The following SLC39A9 variants were observed in gnomAD, a reference collection of about 807,000 sequenced individuals.
The protein encoded by SLC39A9 is zinc transporter ZIP9.
Under a neutral mutation model 28.4 loss-of-function variants are expected in SLC39A9, and 14 were observed. The observed-to-expected ratio is 0.49, with a 90% CI of 0.33 to 0.77. The LOEUF (loss-of-function observed/expected upper bound fraction) is 0.77. Ranked by LOEUF, SLC39A9 falls within the 30% of genes least tolerant of loss-of-function variation. The pLI, the probability that SLC39A9 is intolerant of heterozygous loss-of-function variation, is 0.02. For missense variants in SLC39A9, 283 were observed against 381.1 expected, an observed-to-expected ratio of 0.74 and a Z score of 2.14; for synonymous variants, 119 against 149.6, an observed-to-expected ratio of 0.80 and a Z score of 1.49.
intron 2 of SLC39A9, among the ~76,000 whole-genome samples, chr14:69,438,809 T>C (rs1351758806): frequency 6.6e-6 from 1 of 152,242 alleles, no homozygotes; most frequent in Non-Finnish European, 1.5e-5. Context: ...ATGTAGATTA[T>C]CCCACTCATT....
At chr14:69,398,450 G>C, upstream of SLC39A9, 1 of 625,242 alleles carries the variant, frequency 1.6e-6, no homozygotes, top group Non-Finnish European at 2.8e-6. Context: ...AAGGCAAAAA[G>C]GTAAGGGAAA....
At chr14:69,450,392 GA>G (rs1487791141) in intron 3 of SLC39A9, among the ~76,000 whole-genome samples, 4 of 152,086 alleles carry the variant, frequency 2.6e-5, no homozygotes, top group Non-Finnish European at 5.9e-5. Flanking sequence ...TTAAATATGT[GA>G]AATAAAATTT....
chr14:69,418,732 C>T (rs1217808769), intron 1 of SLC39A9, among the ~76,000 whole-genome samples: 5 of 152,010 alleles, frequency 3.3e-5, no homozygotes, highest in Non-Finnish European at 5.9e-5. Context: ...CTGGTTTAGT[C>T]TTGGGAGGGT....
intron 2 of SLC39A9, among the ~76,000 whole-genome samples, chr14:69,438,386 A>T (rs902193376): frequency 2.6e-5 from 4 of 152,214 alleles, no homozygotes; most frequent in Admixed American, 1.3e-4. Flanking sequence ...GTTTGTATAC[A>T]TGTTACTACA....
chr14:69,457,819 C>T (rs940277200), intron 6 of SLC39A9, among the ~76,000 whole-genome samples: 1 of 152,096 alleles, frequency 6.6e-6, no homozygotes, highest in Non-Finnish European at 1.5e-5. Context: ...CCCAGGAGTT[C>T]CAGGCTGTAG....
chr14:69,438,755 A>G (rs1884901029), intron 2 of SLC39A9, among the ~76,000 whole-genome samples: 1 of 152,242 alleles, frequency 6.6e-6, no homozygotes, highest in African/African-American at 2.4e-5. Context: ...ATGAAAATAT[A>G]AATGTGATGT....
intron 1 of SLC39A9, among the ~76,000 whole-genome samples, chr14:69,400,653 G>A (rs567586673): frequency 1.3e-5 from 2 of 152,310 alleles, no homozygotes; most frequent in South Asian, 4.1e-4. Context: ...GAAACCTGAG[G>A]AAGAGGAGAC....
intron 3 of SLC39A9, among the ~76,000 whole-genome samples, chr14:69,450,893 G>C (rs1213400615): frequency 6.6e-6 from 1 of 152,148 alleles, no homozygotes; most frequent in Non-Finnish European, 1.5e-5. Context: ...CATTATTTTT[G>C]CTGGCTTTCG....
At chr14:69,443,829 A>G (rs1280444874) in intron 3 of SLC39A9, among the ~76,000 whole-genome samples, 1 of 152,098 alleles carries the variant, frequency 6.6e-6, no homozygotes, top group Non-Finnish European at 1.5e-5. Flanking sequence ...AGATCACGCC[A>G]CTGCACTCCA....
At chr14:69,411,002 A>G (rs1289622486) in intron 1 of SLC39A9, among the ~76,000 whole-genome samples, 1 of 152,180 alleles carries the variant, frequency 6.6e-6, no homozygotes, top group East Asian at 1.9e-4. Flanking sequence ...ACTTGAGGTC[A>G]GGAGTTTGAG....
intron 1 of SLC39A9, among the ~76,000 whole-genome samples, chr14:69,414,864 C>T (rs917968311): frequency 2.0e-5 from 3 of 152,170 alleles, no homozygotes; most frequent in African/African-American, 7.2e-5. Context: ...ATTAGTTTGG[C>T]CTGTTTTTAA....
rs2140238186 is a variant in SLC39A9 at position 69,399,001 on chromosome 14, C to T, written c.-369C>T. 1.5e-5 allele frequency: 3 copies of T among 200,390 alleles called. No homozygotes were observed. The South Asian group carries it at 2.1e-4, about 14-fold the overall frequency. The allele number at this position is 200,390 out of a possible 1,614,324, so 12.4% of individuals were successfully genotyped here. ...CAGGTTCGCTTGAGTCACTTACCCG[C>T]CGCCGCCTAAGACATTGTGCCACCC... On this transcript the variant is annotated 5_prime_UTR_variant, in exon 1 of 7. Coordinates refer to ENST00000336643, the MANE Select transcript of SLC39A9 (RefSeq NM_018375.5).
chr14:69,443,418 G>A (rs1275132715), intron 3 of SLC39A9, among the ~76,000 whole-genome samples: 1 of 152,186 alleles, frequency 6.6e-6, no homozygotes, highest in Non-Finnish European at 1.5e-5. Flanking sequence ...CATGCAGTAT[G>A]GCAGCAGTTC....
chr14:69,460,952 G>A lies in SLC39A9; in HGVS notation c.*2359G>A, dbSNP rs560673603. On this transcript the variant is annotated 3_prime_UTR_variant, in exon 7 of 7. Coordinates refer to ENST00000336643, the MANE Select transcript of SLC39A9 (RefSeq NM_018375.5). ...CAGCGTGGCACAGGCCTTCTTGACT[G>A]GAGGAAGAGCTTGCTGGCATGGTGG... 1 of 985,630 alleles carries A rather than the reference G, an allele frequency of 1.0e-6. No individual in the cohort carries two copies. The highest frequency in any genetic ancestry group is 4.7e-5 in the South Asian group (1 of 21,286). 61.1% of individuals were successfully genotyped at this position (985,630 alleles called of 1,614,324 possible).
At chr14:69,425,731 C>T (rs1420932222) in intron 2 of SLC39A9, among the ~76,000 whole-genome samples, 2 of 151,896 alleles carry the variant, frequency 1.3e-5, no homozygotes, top group African/African-American at 4.8e-5. Flanking sequence ...CCAGTTTTGC[C>T]ATCACAGCTG....
At chr14:69,421,280 T>C (rs1048965730) in intron 1 of SLC39A9, among the ~76,000 whole-genome samples, 1 of 152,240 alleles carries the variant, frequency 6.6e-6, no homozygotes, top group Non-Finnish European at 1.5e-5. Flanking sequence ...TGTTGGAGTT[T>C]GCTGGAGGTC....
intron 3 of SLC39A9, among the ~76,000 whole-genome samples, chr14:69,446,279 C>CAT (rs140993985): frequency 0.12 from 17,634 of 146,098 alleles, 1,228 homozygotes; most frequent in Middle Eastern, 0.25. Flanking sequence ...TTTATATATA[C>CAT]ATATATATAT....
chr14:69,414,081 C>T (rs1180702698), intron 1 of SLC39A9, among the ~76,000 whole-genome samples: 90 of 139,342 alleles, frequency 6.5e-4, no homozygotes, highest in African/African-American at 2.3e-3. Flanking sequence ...GAGAGGGTAT[C>T]GCTCTGTCAC....
chr14:69,414,268 G>A (rs1481249662), intron 1 of SLC39A9, among the ~76,000 whole-genome samples: 3 of 152,032 alleles, frequency 2.0e-5, no homozygotes, highest in African/African-American at 4.8e-5. Context: ...GGCTGGTCTC[G>A]AACTCTTTTC....
Sources: gnomAD v4.1 joint callset for allele counts (sites outside exome capture counted in the v4.1 genomes callset) on GRCh38, gnomAD v4.1.1 for gene constraint, MANE v1.5 for transcripts, NCBI Gene and HGNC (gene_info 2026-07-23, HGNC 2026-07-21) for gene names.